AIFM1: variants seen among roughly 807,000 people sequenced by gnomAD.
AIFM1 encodes apoptosis-inducing factor 1, mitochondrial.
Under a neutral mutation model 51.7 loss-of-function variants are expected in AIFM1, and 3 were observed. The ratio of observed to expected loss-of-function variants is 0.06; its 90% CI spans 0.03 to 0.15. AIFM1 has a LOEUF of 0.15. Ranked by LOEUF, AIFM1 falls within the 10% of genes least tolerant of loss-of-function variation. The pLI, the probability that AIFM1 is intolerant of heterozygous loss-of-function variation, is 1.00. For synonymous variants in AIFM1, 178 were observed against 179.4 expected, an observed-to-expected ratio of 0.99 and a Z score of 0.06; for missense variants, 330 against 476.8, an observed-to-expected ratio of 0.69 and a Z score of 2.87.
chrX:130,156,860 T>C (rs1379040329), intron 1 of AIFM1, among the ~76,000 whole-genome samples: 1 of 111,873 alleles, frequency 8.9e-6, no homozygotes, highest in African/African-American at 3.2e-5. Context: ...GAAAAGATCA[T>C]GAAAAACACG....
intron 1 of AIFM1, among the ~76,000 whole-genome samples, chrX:130,159,067 ACC>A (rs1306933626): frequency 8.9e-6 from 1 of 111,987 alleles, no homozygotes; most frequent in Non-Finnish European, 1.9e-5. Flanking sequence ...ACATAGTGAC[ACC>A]TAGCAAGGTA....
intron 9 of AIFM1, chrX:130,137,540 T>C: frequency 8.6e-7 from 1 of 1,164,913 alleles, no homozygotes; most frequent in Middle Eastern, 2.3e-4. Context: ...AAAAGAACAT[T>C]AAGAAAACTA....
At position 130,153,176 on chromosome X, in the gene AIFM1, T is replaced by C. The variant is rs1041726209; in HGVS notation, c.249+3285A>G. ...AGTGAAACCCCGTCTCTACTAAAAA[T>C]ACAAAAAAAAAAAAAAAAAAAAAAT... On this transcript the variant is annotated intron_variant, in intron 2 of 15. Transcript: ENST00000287295. 8.9e-4 allele frequency among the ~76,000 whole-genome samples: 11 copies of C among 12,351 alleles called. 1 individual carries two copies. The highest frequency in any genetic ancestry group is 1.6e-3 in the Non-Finnish European group (10 of 6,361). 10.7% of individuals were successfully genotyped at this position (12,351 alleles called of 115,157 possible). A position where few individuals can be genotyped will look rare whatever the true frequency, so the allele number is the denominator to read the frequency against.
chrX:130,148,922 C>CTTTTTTT (rs11292355), intron 3 of AIFM1, among the ~76,000 whole-genome samples: 1 of 68,365 alleles, frequency 1.5e-5, no homozygotes, highest in Non-Finnish European at 2.6e-5. Context: ...TTTTAAGAGA[C>CTTTTTTT]TTTTTTTTTT....
At chrX:130,130,747 C>A (rs937282117) in intron 14 of AIFM1, among the ~76,000 whole-genome samples, 1 of 111,997 alleles carries the variant, frequency 8.9e-6, no homozygotes, top group Admixed American at 9.5e-5. Flanking sequence ...TTAGACAAAG[C>A]AGAAGGCACT....
intron 7 of AIFM1, among the ~76,000 whole-genome samples, 166 bp from the exon 8 acceptor site, chrX:130,140,037 C>A (rs748154686): frequency 1.8e-5 from 2 of 112,264 alleles, no homozygotes; most frequent in South Asian, 3.7e-4. Context: ...TCACAGCAGG[C>A]TTTCTGTCAG....
At chrX:130,137,014 G>C (rs894145029) in intron 10 of AIFM1, 64 bp downstream of exon 10, 116 of 1,208,108 alleles carry the variant, frequency 9.6e-5, no homozygotes, top group Non-Finnish European at 1.1e-4. Context: ...CTATAGAAGC[G>C]AAGTTTGCCT....
intron 6 of AIFM1, 121 bp from the exon 7 acceptor site, chrX:130,140,738 T>C: frequency 1.7e-6 from 1 of 571,698 alleles, no homozygotes; most frequent in Non-Finnish European, 3.0e-6. Context: ...TGGATTTCAG[T>C]ATATTCACAA....
At chrX:130,157,737 T>C (rs523234) in intron 1 of AIFM1, among the ~76,000 whole-genome samples, 52,617 of 103,412 alleles carry the variant, frequency 0.51, 10,232 homozygotes, top group African/African-American at 0.71. Flanking sequence ...GAGGCCTAGG[T>C]GGGCAGATCA....
chrX:130,165,496 G>T lies in AIFM1; in HGVS notation c.106+55C>A. On this transcript the variant is annotated intron_variant, in intron 1 of 15. Transcript: ENST00000287295. ...GGGGTAGAGGGCTGCAAGGCACAGG[G>T]AGCCTAAGGCGCCAGGCCCTCGGAC... The T allele has an allele frequency of 9.8e-6, 10 of 1,020,524 alleles. No homozygotes were observed. The South Asian group carries it at 1.4e-4, about 14-fold the overall frequency. The allele number at this position is 1,020,524 out of a possible 1,213,427, so 84.1% of individuals were successfully genotyped here. A position where few individuals can be genotyped will look rare whatever the true frequency, so the allele number is the denominator to read the frequency against.
rs189635584 is a variant in AIFM1, at chrX:130,129,397, T to C, written c.*160A>G. ...AAGAATCAGAATTTATTTCACTATG[T>C]GAACATTAAGAATTTACCTACATAG... On this transcript the variant is annotated 3_prime_UTR_variant, in exon 16 of 16. Transcript: ENST00000287295. 2.0e-3 allele frequency: 976 copies of C among 494,807 alleles called. 8 individuals carry two copies. The African/African-American group carries it at 0.021, about 11-fold the overall frequency. The allele number at this position is 494,807 out of a possible 1,213,427, so 40.8% of individuals were successfully genotyped here.
intron 15 of AIFM1, 33 bp from the exon 16 acceptor site, chrX:130,129,661 C>T (rs1166990775): frequency 2.9e-5 from 34 of 1,162,778 alleles, no homozygotes; most frequent in Non-Finnish European, 4.0e-5. Context: ...AGGTCCCTAA[C>T]TTACTCCATT....
intron 6 of AIFM1, among the ~76,000 whole-genome samples, chrX:130,141,847 G>A (rs761869652): frequency 3.6e-5 from 4 of 111,433 alleles, no homozygotes; most frequent in Non-Finnish European, 7.5e-5. Flanking sequence ...TTCAGCTTTC[G>A]CTCAGTCTGT....
Position 130,165,667 on chromosome X carries a change from G to A in AIFM1, c.-11C>T, listed in dbSNP as rs768345570. On this transcript the variant is annotated 5_prime_UTR_variant, in exon 1 of 16. Transcript: ENST00000287295. Reference sequence around the variant, plus strand: ...TCCACACCGGAACATTTCGGCGACCGCTATTCGGGACCTCCTCCTTCCCTT... The same window carrying A: ...TCCACACCGGAACATTTCGGCGACCACTATTCGGGACCTCCTCCTTCCCTT... 1.7e-6 allele frequency: 2 copies of A among 1,172,427 alleles called. No homozygotes were observed. Among genetic ancestry groups the A allele is most frequent in the African/African-American group, 1.8e-5 (1 of 56,587 alleles).
chrX:130,138,544 G>T (rs2030460346), intron 9 of AIFM1, 49 bp downstream of exon 9: 5 of 874,422 alleles, frequency 5.7e-6, no homozygotes, highest in Non-Finnish European at 1.7e-6. Flanking sequence ...TCACAGAAAA[G>T]CTATATAAGA....
chrX:130,140,497 G>A (rs751648033), intron 7 of AIFM1, 36 bp downstream of exon 7: 1 of 1,111,719 alleles, frequency 9.0e-7, no homozygotes, highest in East Asian at 3.0e-5. Context: ...TGAATGAGCT[G>A]TATCAGGGAA....
chrX:130,138,666 C>T lies in AIFM1; in HGVS notation c.894G>A (p.Arg298=). Residue 298 remains arginine, a synonymous_variant, in exon 9 of 16, where the codon CGG becomes CGA. Coordinates refer to ENST00000287295, the MANE Select transcript of AIFM1 (RefSeq NM_004208.4). The part of the protein sequence containing the change: ...GDFRSLEKIS[R]EVKSITIIGG... ...CGATAATCGTAATTGATTTGACTTC[C>T]CGTGAAATCTTCTCCAAGCTTCTAA... 1 of 1,209,287 alleles carries T rather than the reference C, an allele frequency of 8.3e-7. No homozygotes were observed. Among genetic ancestry groups the T allele is most frequent in the Non-Finnish European group, 1.1e-6 (1 of 893,703 alleles).
intron 2 of AIFM1, among the ~76,000 whole-genome samples, chrX:130,150,564 T>C (rs2030930896): frequency 9.5e-6 from 1 of 105,402 alleles, no homozygotes; most frequent in Non-Finnish European, 2.0e-5. Flanking sequence ...CTCGATCTCC[T>C]GACCTCGTGA....
At chrX:130,139,257 G>A (rs775436548) in intron 8 of AIFM1, among the ~76,000 whole-genome samples, 75 of 110,069 alleles carry the variant, frequency 6.8e-4, no homozygotes, top group Non-Finnish European at 1.1e-3. Flanking sequence ...GCTTGAACCC[G>A]GGAGGCGGAG....
Sources: allele counts gnomAD v4.1 joint callset (sites outside exome capture counted in the v4.1 genomes callset), GRCh38; gene constraint gnomAD v4.1.1; transcripts MANE v1.5; gene names NCBI Gene and HGNC (gene_info 2026-07-23, HGNC 2026-07-21).